Variants in POLRMT observed in about 807,000 individuals in gnomAD.
POLRMT encodes RNA polymerase mitochondrial.
In POLRMT, 114 loss-of-function variants were observed where a neutral mutation model predicts 132.2. The observed-to-expected ratio is 0.86, with a 90% CI of 0.74 to 1.01. The LOEUF is 1.01. POLRMT is among the 50% of genes least tolerant of loss of function. POLRMT has a pLI of 0.00. For synonymous variants in POLRMT, 1,020 were observed against 773.4 expected (o/e 1.32, Z -5.29); for missense variants, 2,003 against 1,729.1 (o/e 1.16, Z -2.81).
chr19:620,412 G>C lies in POLRMT; in HGVS notation c.2716C>G (p.Arg906Gly). ...ACCMEVANAV[R>G]ASDPAAYVSH... ...ACATAGGCGGCAGGGTCGGAGGCGC[G>C]CACAGCGTTCGCCACCTCCATACAG... The change falls in exon 11 of 21, where the codon CGC becomes GGC. Residue 906 changes from arginine (R) to glycine (G), a missense_variant. Coordinates refer to ENST00000588649, the MANE Select transcript of POLRMT (RefSeq NM_005035.4). 2 of 1,590,878 alleles carry C rather than the reference G, an allele frequency of 1.3e-6. No homozygotes were observed. The highest frequency in any genetic ancestry group is 2.3e-5 in the South Asian group (2 of 87,678).
rs746761065 is a variant in POLRMT at position 625,195 on chromosome 19, C to T, written c.882G>A (p.Pro294=). 2.5e-5 allele frequency: 40 copies of T among 1,613,912 alleles called. No homozygotes were observed. Among genetic ancestry groups the T allele is most frequent in the African/African-American group, 4.0e-5 (3 of 74,920 alleles). ...GGGCAGCCGCATAGGACAGCAGGTC[C>T]GGAGTCAAGCCGGCATCCTTCACCA... is the stretch of plus-strand genomic sequence containing the variant. ...LFMVKDAGLT[P]DLLSYAAALQ... Residue 294 remains proline (P), a synonymous_variant, in exon 4 of 21, where the codon CCG becomes CCA. Coordinates refer to ENST00000588649, the MANE Select transcript of POLRMT (RefSeq NM_005035.4).
chr19:619,018 A>G lies in POLRMT; in HGVS notation c.3246T>C (p.Tyr1082=), dbSNP rs1171690155. Reference sequence around the variant, plus strand: ...TGACCTTGACCTTGGAGTCCAGGCGATAGGGCTGGATGACGGGGACGCCCA... The same window carrying G: ...TGACCTTGACCTTGGAGTCCAGGCGGTAGGGCTGGATGACGGGGACGCCCA... The part of the protein sequence containing the change: ...TPLGVPVIQP[Y]RLDSKVKQIG... The change falls in exon 15 of 21, where the codon TAT becomes TAC. Residue 1082 remains tyrosine (Y), a synonymous_variant. Transcript: ENST00000588649. 1.3e-6 allele frequency: 2 copies of G among 1,594,342 alleles called. No individual in the cohort carries two copies. Among genetic ancestry groups the G allele is most frequent in the East Asian group, 2.2e-5 (1 of 44,598 alleles).
At chr19:623,273 G>A (rs1984771458) in intron 6 of POLRMT, among the ~76,000 whole-genome samples, 181 bp downstream of exon 6, 1 of 152,240 alleles carries the variant, frequency 6.6e-6, no homozygotes, top group Admixed American at 6.5e-5. Context: ...CCTAGGCCCT[G>A]CATGACCAGA....
At position 629,585 on chromosome 19, in the gene POLRMT, G is replaced by A. The variant is rs1985255868; in HGVS notation, c.777C>T (p.Leu259=). Residue 259 remains leucine, a synonymous_variant, in exon 3 of 21, where the codon CTC becomes CTT. Coordinates refer to ENST00000588649, the MANE Select transcript of POLRMT (RefSeq NM_005035.4). ...HHGQRQKRKL[L]TLDMYNAVML... ...TCACGGCGTTGTACATGTCCAGCGTGAGCAGCTTCCGCTTCTGCCGCTGGC... is the reference window on the plus strand; with the variant it reads ...TCACGGCGTTGTACATGTCCAGCGTAAGCAGCTTCCGCTTCTGCCGCTGGC... 4 of 1,591,916 alleles carry A rather than the reference G, an allele frequency of 2.5e-6. No individual in the cohort carries two copies. In the South Asian group the frequency reaches 4.5e-5, roughly 18 times the overall value.
intron 15 of POLRMT, 24 bp downstream of exon 15, chr19:618,973 G>A (rs924264162): frequency 2.3e-5 from 35 of 1,524,970 alleles, no homozygotes; most frequent in Non-Finnish European, 2.9e-5. Context: ...GGCACACTGG[G>A]GAGGGATGGG....
chr19:620,485 G>C lies in POLRMT; in HGVS notation c.2643C>G (p.Gly881=). The C allele has an allele frequency of 6.3e-7, 1 of 1,585,372 alleles. No homozygotes were observed. Among genetic ancestry groups the C allele is most frequent in the Non-Finnish European group, 8.6e-7 (1 of 1,164,546 alleles). ...ILDSADQPLT[G]RKWWMGAEEP... is the part of the protein sequence containing the mutation. ...CCTCCGCGCCCATCCACCACTTTCG[G>C]CCCTGCGGGGACAGCGGATGGGGGG... Residue 881 remains glycine, a splice_region_variant and synonymous_variant, in exon 11 of 21, where the codon GGC becomes GGG. Transcript: ENST00000588649.
At chr19:617,950 G>A in intron 17 of POLRMT, 101 bp from the exon 18 acceptor site, 1 of 1,120,680 alleles carries the variant, frequency 8.9e-7, no homozygotes, top group South Asian at 1.3e-5. Flanking sequence ...TTGAGGTCCA[G>A]GGAAGCCCAC....
At chr19:625,430 C>A in intron 3 of POLRMT, 176 bp from the exon 4 acceptor site, 1 of 793,342 alleles carries the variant, frequency 1.3e-6, no homozygotes, top group Non-Finnish European at 1.9e-6. Flanking sequence ...ACACAAGCTC[C>A]ACCTGCAGAG....
At position 620,918 on chromosome 19, in the gene POLRMT, CGGGCAGGGGGCGCCAGGGGAGGGGGA is replaced by C. The variant is rs1984498363; in HGVS notation, c.2640+114_2640+139del. 6.2e-3 allele frequency: 714 copies of C among 115,524 alleles called. 14 individuals carry two copies. Among genetic ancestry groups the C allele is most frequent in the South Asian group, 0.035 (185 of 5,272 alleles). 7.2% of individuals were successfully genotyped at this position (115,524 alleles called of 1,614,324 possible). On this transcript the variant is annotated intron_variant, in intron 10 of 20. Transcript: ENST00000588649. ...GGGGAGGGGGAGGGGAGGAGGAAGACGGGCAGGGGGCGCCAGGGGAGGGGGAGGGGAGGAGGAAGACGGGCAGGGGG... is the reference window on the plus strand; with the variant it reads ...GGGGAGGGGGAGGGGAGGAGGAAGACGGGGAGGAGGAAGACGGGCAGGGGG...
rs750708329 is a variant in POLRMT, at chr19:622,733, G to A, written c.1475C>T (p.Ala492Val). Residue 492 changes from alanine (A) to valine (V), a missense_variant, in exon 8 of 21, where the codon GCC becomes GTC. Transcript: ENST00000588649. ...MLLQVLQALPAQGESFTTLAR... is the reference protein window; with the variant it reads ...MLLQVLQALPVQGESFTTLAR... ...CAGGGTGGTGAAGGACTCACCTTGG[G>A]CGGGCAGCGCCTGCAGGACCTGCGG... 5.0e-6 allele frequency: 8 copies of A among 1,594,702 alleles called. No individual in the cohort carries two copies. In the Admixed American group the frequency reaches 8.6e-5, roughly 17 times the overall value.
intron 18 of POLRMT, 27 bp downstream of exon 18, chr19:617,750 G>A (rs769501263): frequency 2.5e-6 from 4 of 1,612,502 alleles, no homozygotes; most frequent in South Asian, 2.2e-5. Context: ...ACCCATGGGT[G>A]GACTGAGGCT....
At chr19:622,413 CCT>C (rs778199736) in intron 8 of POLRMT, 40 bp from the exon 9 acceptor site, 4 of 1,510,076 alleles carry the variant, frequency 2.6e-6, no homozygotes, top group Middle Eastern at 2.3e-4. Flanking sequence ...CACCGGGGCC[CCT>C]GAGCTAGATG....
chr19:617,671 AG>A lies in POLRMT; in HGVS notation c.3496-17del, dbSNP rs749542005. 5 of 1,612,454 alleles carry A rather than the reference AG, an allele frequency of 3.1e-6. No individual in the cohort carries two copies. Among genetic ancestry groups the A allele is most frequent in the Non-Finnish European group, 4.2e-6 (5 of 1,179,858 alleles). On this transcript the variant is annotated splice_polypyrimidine_tract_variant and intron_variant, in intron 18 of 20. Transcript: ENST00000588649. ...CCCGGCACACCTGGGCAGGAGTCAGAGGATCCCCAGGGGTGATCAGGCAGGC... is the reference window on the plus strand; with the variant it reads ...CCCGGCACACCTGGGCAGGAGTCAGAGATCCCCAGGGGTGATCAGGCAGGC...
chr19:618,796 G>T (rs762353833), intron 15 of POLRMT, 36 bp from the exon 16 acceptor site: 6 of 1,562,538 alleles, frequency 3.8e-6, no homozygotes, highest in Non-Finnish European at 5.2e-6. Context: ...TCCCACCCGA[G>T]GCCCAGCACG....
Position 621,810 on chromosome 19 carries a change from G to C in POLRMT, c.1888C>G (p.Leu630Val). Reference sequence around the variant, plus strand: ...GTGGGCTCCGCGGCCTTCTCCAGCAGCTGCACGTAGGCCGGGTGCGGCTTC... The same window carrying C: ...GTGGGCTCCGCGGCCTTCTCCAGCACCTGCACGTAGGCCGGGTGCGGCTTC... ...ILKPHPAYVQ[L>V]LEKAAEPTLT... The change falls in exon 10 of 21, where the codon CTG (leucine) becomes GTG (valine). Residue 630 changes from leucine to valine, a missense_variant. By Grantham distance (32) the Leu-to-Val change is conservative (BLOSUM62 1). Coordinates refer to ENST00000588649, the MANE Select transcript of POLRMT (RefSeq NM_005035.4). 1 of 1,602,570 alleles carries C rather than the reference G, an allele frequency of 6.2e-7. No individual in the cohort carries two copies. The highest frequency in any genetic ancestry group is 2.2e-5 in the East Asian group (1 of 44,878).
chr19:627,014 CCTGTAA>C (rs1038426458), intron 3 of POLRMT, among the ~76,000 whole-genome samples: 8 of 151,722 alleles, frequency 5.3e-5, no homozygotes, highest in South Asian at 2.1e-4. Flanking sequence ...TTAAGAGTGG[CCTGTAA>C]CTGTAACAGA....
Position 630,164 on chromosome 19 carries a change from G to C in POLRMT, c.198C>G (p.Leu66=), listed in dbSNP as rs763072674. The C allele has an allele frequency of 6.3e-7, 1 of 1,589,812 alleles. No individual in the cohort carries two copies. The highest frequency in any genetic ancestry group is 1.1e-5 in the South Asian group (1 of 87,052). The change falls in exon 3 of 21, where the codon CTC becomes CTG. Residue 66 remains leucine (L), a synonymous_variant. Transcript: ENST00000588649. ...DWGHVELLEV[L]QARVRQLQAE... is the part of the protein sequence containing the mutation. The stretch of plus-strand genomic sequence containing the variant: ...CCTGCAGCTGCCGCACCCGCGCCTG[G>C]AGCACTGTGAGGGGCAGAAGGCGAG...
At chr19:617,937 C>T (rs1263083742) in intron 17 of POLRMT, 88 bp from the exon 18 acceptor site, 4 of 1,275,510 alleles carry the variant, frequency 3.1e-6, no homozygotes, top group Non-Finnish European at 3.4e-6. Context: ...CAGCCCCCTC[C>T]ACTTGAGGTC....
In POLRMT at chr19:623,535, C is replaced by T; in HGVS notation, c.1209G>A (p.Gln403=). ...CCCTGCTGGCCAGCTCCATGTGGAGCTGCTTCTCAAAGAGGCACTGCAGGG... is the reference window on the plus strand; with the variant it reads ...CCCTGCTGGCCAGCTCCATGTGGAGTTGCTTCTCAAAGAGGCACTGCAGGG... The part of the protein sequence containing the change: ...LKTLQCLFEK[Q]LHMELASRVC... The change falls in exon 6 of 21, where the codon CAG becomes CAA. Residue 403 remains glutamine, a synonymous_variant. Transcript: ENST00000588649. 5 of 1,613,682 alleles carry T rather than the reference C, an allele frequency of 3.1e-6. No individual in the cohort carries two copies. The highest frequency in any genetic ancestry group is 1.7e-4 in the Middle Eastern group (1 of 6,010).
Sources: gnomAD v4.1 joint callset for allele counts (sites outside exome capture counted in the v4.1 genomes callset) on GRCh38, gnomAD v4.1.1 for gene constraint, MANE v1.5 for transcripts, NCBI Gene and HGNC (gene_info 2026-07-23, HGNC 2026-07-21) for gene names.